Variants in HMGB1 observed in about 807,000 individuals in gnomAD.
HMGB1 encodes the protein high mobility group box 1, also known as high mobility group protein B1.
For missense variants in HMGB1, 79 were observed against 253.5 expected, an observed-to-expected ratio of 0.31 and a Z score of 4.67; for synonymous variants, 81 against 84.0, an observed-to-expected ratio of 0.96 and a Z score of 0.19.
chr13:30,549,925 C>T (rs1473022304), intron 1 of HMGB1, among the ~76,000 whole-genome samples: 1 of 152,072 alleles, frequency 6.6e-6, no homozygotes, highest in African/African-American at 2.4e-5. Flanking sequence ...CCATGTTGGC[C>T]AGGCTGGTCT....
intron 1 of HMGB1, among the ~76,000 whole-genome samples, chr13:30,521,182 A>G (rs1360982399): frequency 2.0e-5 from 3 of 152,188 alleles, no homozygotes; most frequent in Non-Finnish European, 4.4e-5. Flanking sequence ...ATTATTATCA[A>G]TGGCCTTTGT....
intron 1 of HMGB1, among the ~76,000 whole-genome samples, chr13:30,536,011 C>T (rs1478996754): frequency 3.3e-5 from 5 of 152,134 alleles, no homozygotes; most frequent in South Asian, 2.1e-4. Flanking sequence ...TTACCAATAA[C>T]GTAATTCAGA....
chr13:30,556,962 G>A (rs892747713), intron 1 of HMGB1, among the ~76,000 whole-genome samples: 6 of 152,110 alleles, frequency 3.9e-5, no homozygotes, highest in African/African-American at 1.4e-4. Flanking sequence ...ACCCTGATCT[G>A]ATAACTATAA....
intron 1 of HMGB1, among the ~76,000 whole-genome samples, chr13:30,592,354 C>A (rs1871407591): frequency 6.6e-6 from 1 of 151,986 alleles, no homozygotes; most frequent in African/African-American, 2.4e-5. Context: ...TTATTATATT[C>A]TCTTTATTCT....
At chr13:30,516,060 G>A (rs746041644) in intron 1 of HMGB1, among the ~76,000 whole-genome samples, 58 of 151,992 alleles carry the variant, frequency 3.8e-4, no homozygotes, top group Admixed American at 5.9e-4. Flanking sequence ...CCATATTACC[G>A]TATTAAAAAC....
chr13:30,501,471 T>A (rs1035353160), intron 1 of HMGB1, among the ~76,000 whole-genome samples: 2 of 152,288 alleles, frequency 1.3e-5, no homozygotes, highest in Admixed American at 1.3e-4. Context: ...ACTGCTTTTA[T>A]CAGATCCTTA....
At chr13:30,479,251 T>C (rs1887172803) in intron 1 of HMGB1, among the ~76,000 whole-genome samples, 1 of 152,200 alleles carries the variant, frequency 6.6e-6, no homozygotes, top group Non-Finnish European at 1.5e-5. Context: ...TCTCTTCTGC[T>C]CTCTTTAAGA....
At chr13:30,525,812 G>A (rs1888350631) in intron 1 of HMGB1, among the ~76,000 whole-genome samples, 1 of 147,866 alleles carries the variant, frequency 6.8e-6, no homozygotes, top group Admixed American at 6.8e-5. Context: ...CCTCCATCTG[G>A]TCTCTCCCTT....
intron 1 of HMGB1, among the ~76,000 whole-genome samples, chr13:30,520,032 G>A (rs912183612): frequency 6.6e-6 from 1 of 152,106 alleles, no homozygotes; most frequent in Non-Finnish European, 1.5e-5. Context: ...TCCCTAAATT[G>A]TCTTCTTGGC....
chr13:30,521,031 G>A (rs892675072), intron 1 of HMGB1, among the ~76,000 whole-genome samples: 1 of 152,094 alleles, frequency 6.6e-6, no homozygotes, highest in South Asian at 2.1e-4. Context: ...TGGACATGAC[G>A]ACTGTGGCCT....
chr13:30,593,899 T>C (rs1346479682), intron 1 of HMGB1, among the ~76,000 whole-genome samples: 2 of 152,178 alleles, frequency 1.3e-5, no homozygotes, highest in African/African-American at 4.8e-5. Flanking sequence ...GAGACTAAAG[T>C]TAAATGCAAG....
chr13:30,530,714 CT>C (rs1216901770), intron 1 of HMGB1, among the ~76,000 whole-genome samples: 1 of 152,128 alleles, frequency 6.6e-6, no homozygotes, highest in Non-Finnish European at 1.5e-5. Context: ...TGTGGAAAGA[CT>C]TTTTTTATAT....
intron 1 of HMGB1, among the ~76,000 whole-genome samples, chr13:30,492,078 G>A (rs1157549119): frequency 6.6e-6 from 1 of 152,006 alleles, no homozygotes; most frequent in African/African-American, 2.4e-5. Flanking sequence ...TGAGGCAGGA[G>A]AATCGCTTGA....
At chr13:30,498,772 C>G (rs545597641) in intron 1 of HMGB1, among the ~76,000 whole-genome samples, 1 of 151,360 alleles carries the variant, frequency 6.6e-6, no homozygotes, top group Non-Finnish European at 1.5e-5. Flanking sequence ...CTTAGCCTCC[C>G]GAGTAGCTGG....
chr13:30,461,651 T>A (rs961051944), intron 4 of HMGB1, 118 bp from the exon 5 acceptor site: 1 of 1,591,018 alleles, frequency 6.3e-7, no homozygotes, highest in Non-Finnish European at 8.6e-7. Flanking sequence ...AAATATCACG[T>A]ATCTGTAGAT....
At chr13:30,613,496 T>TC (rs1370791930) in intron 1 of HMGB1, among the ~76,000 whole-genome samples, 6 of 152,256 alleles carry the variant, frequency 3.9e-5, no homozygotes, top group African/African-American at 1.4e-4. Context: ...TGTTGTTACA[T>TC]CACTCATTGC....
At chr13:30,538,771 C>CTCCT (rs1868710505) in intron 1 of HMGB1, among the ~76,000 whole-genome samples, 1 of 126,648 alleles carries the variant, frequency 7.9e-6, no homozygotes, top group Non-Finnish European at 1.7e-5. Flanking sequence ...CTTTCTCTCT[C>CTCCT]TCTTTCCTTC....
intron 1 of HMGB1, among the ~76,000 whole-genome samples, chr13:30,574,710 A>G (rs769660068): frequency 3.2e-4 from 49 of 152,208 alleles, no homozygotes; most frequent in Non-Finnish European, 6.0e-4. Flanking sequence ...GGAATAAAAA[A>G]TGTTATGGGT....
intron 1 of HMGB1, among the ~76,000 whole-genome samples, chr13:30,517,151 C>G (rs1566012507): frequency 6.6e-6 from 1 of 152,198 alleles, no homozygotes; most frequent in Non-Finnish European, 1.5e-5. Flanking sequence ...GGTTTTAGAA[C>G]CTCCTGGAAG....
Sources: gnomAD v4.1 joint callset for allele counts (sites outside exome capture counted in the v4.1 genomes callset) on GRCh38, gnomAD v4.1.1 for gene constraint, MANE v1.5 for transcripts, NCBI Gene and HGNC (gene_info 2026-07-23, HGNC 2026-07-21) for gene names.